ZNF664: variants seen among roughly 807,000 people sequenced by gnomAD.
ZNF664 encodes the protein zinc finger protein 664.
In ZNF664, 10 loss-of-function variants were observed where a neutral mutation model predicts 18.2. The observed-to-expected ratio is 0.55, with a 90% CI of 0.34 to 0.93. The LOEUF (loss-of-function observed/expected upper bound fraction) is 0.93. Among genes scored for constraint, ZNF664 ranks in the 40% least tolerant of loss-of-function variants. ZNF664 has a pLI of 0.02. For missense variants in ZNF664, 193 were observed against 319.0 expected, an observed-to-expected ratio of 0.61 and a Z score of 3.01; for synonymous variants, 119 against 104.2, an observed-to-expected ratio of 1.14 and a Z score of -0.86.
chr12:123,992,306 G>A (rs965461608), intron 3 of ZNF664, among the ~76,000 whole-genome samples: 1 of 152,202 alleles, frequency 6.6e-6, no homozygotes, highest in East Asian at 1.9e-4. Flanking sequence ...GAGTCAAGCT[G>A]AGTCACAGGC....
chr12:124,006,419 T>C (rs1183395464), intron 3 of ZNF664, among the ~76,000 whole-genome samples: 2 of 152,228 alleles, frequency 1.3e-5, no homozygotes, highest in East Asian at 3.9e-4. Context: ...CTGTTAGTCC[T>C]GTACCCCCGT....
Position 124,013,630 on chromosome 12 carries a change from T to A in ZNF664, c.*700T>A, listed in dbSNP as rs1957158810. Reference sequence around the variant, plus strand: ...GGATTCTGCTCATCACTGTCTCTGTTAGACTTATTTTGTAGTGGCTGCATC... The same window carrying A: ...GGATTCTGCTCATCACTGTCTCTGTAAGACTTATTTTGTAGTGGCTGCATC... On this transcript the variant is annotated 3_prime_UTR_variant, in exon 5 of 5. Coordinates refer to ENST00000337815, the MANE Select transcript of ZNF664 (RefSeq NM_152437.3). 1 of 167,198 alleles carries A rather than the reference T, an allele frequency of 6.0e-6. No individual in the cohort carries two copies. Among genetic ancestry groups the A allele is most frequent in the Admixed American group, 6.5e-5 (1 of 15,298 alleles). 10.4% of individuals were successfully genotyped at this position (167,198 alleles called of 1,614,324 possible).
chr12:123,993,923 A>G (rs1216985712), intron 3 of ZNF664, among the ~76,000 whole-genome samples: 2 of 152,226 alleles, frequency 1.3e-5, no homozygotes, highest in African/African-American at 4.8e-5. Flanking sequence ...CAGCGAGGAC[A>G]GTGTCAGATA....
chr12:123,990,156 A>G (rs958837816), intron 3 of ZNF664, among the ~76,000 whole-genome samples: 1 of 152,174 alleles, frequency 6.6e-6, no homozygotes, highest in African/African-American at 2.4e-5. Context: ...TTGTTATTGA[A>G]TGGGGACAGA....
At chr12:124,000,339 C>T (rs753353167) in intron 3 of ZNF664, among the ~76,000 whole-genome samples, 1 of 152,208 alleles carries the variant, frequency 6.6e-6, no homozygotes, top group Non-Finnish European at 1.5e-5. Flanking sequence ...TCAGTTTCTA[C>T]TTAAACACAC....
At chr12:124,005,068 T>G (rs1957055699) in intron 3 of ZNF664, 1 of 153,430 alleles carries the variant, frequency 6.5e-6, no homozygotes, top group Admixed American at 6.5e-5. Flanking sequence ...AAAAATTGTC[T>G]TCCACAAAAC....
rs1458295171 is a variant in ZNF664 at position 124,014,729 on chromosome 12, T to G, written c.*1799T>G. 2.4e-5 allele frequency: 4 copies of G among 167,034 alleles called. No individual in the cohort carries two copies. The highest frequency in any genetic ancestry group is 3.8e-4 in the East Asian group (2 of 5,198). The allele number at this position is 167,034 out of a possible 1,614,324, so 10.3% of individuals were successfully genotyped here. A position where few individuals can be genotyped will look rare whatever the true frequency, so the allele number is the denominator to read the frequency against. On this transcript the variant is annotated 3_prime_UTR_variant, in exon 5 of 5. Transcript: ENST00000337815. ...TTTTCTTTCCATATTTGAATTAATT[T>G]TTTCTGTTTGACTGGAAGGGGTTTT...
intron 2 of ZNF664, among the ~76,000 whole-genome samples, chr12:123,987,727 C>A (rs537518165): frequency 6.6e-6 from 1 of 152,148 alleles, no homozygotes. Context: ...TATCTTATAC[C>A]TATGAACCTT....
In ZNF664 at chr12:124,012,186, G is replaced by C. The variant is rs757117597; in HGVS notation, c.42G>C (p.Glu14Asp). 4.3e-6 allele frequency: 7 copies of C among 1,612,930 alleles called. No individual in the cohort carries two copies. The highest frequency in any genetic ancestry group is 5.1e-6 in the Non-Finnish European group (6 of 1,179,814). Reference protein sequence around the residue: ...KCPMCREFFSERADLFMHQKI... With the variant: ...KCPMCREFFSDRADLFMHQKI... ...CCATGTGTAGGGAATTTTTCTCTGAGAGAGCAGATCTTTTTATGCATCAGA... is the reference window on the plus strand; with the variant it reads ...CCATGTGTAGGGAATTTTTCTCTGACAGAGCAGATCTTTTTATGCATCAGA... Residue 14 changes from glutamate (E) to aspartate (D), a missense_variant, in exon 5 of 5, where the codon GAG becomes GAC. Around this residue, in one of 3 missense-constraint regions of ZNF664, gnomAD observed 90 missense variants for 118.9 expected, o/e 0.76. Transcript: ENST00000337815.
chr12:124,005,426 A>G (rs761476558), intron 3 of ZNF664, among the ~76,000 whole-genome samples: 3 of 151,268 alleles, frequency 2.0e-5, no homozygotes, highest in Admixed American at 1.3e-4. Flanking sequence ...ACAGTTGTCT[A>G]TCTTTTAGTT....
At chr12:123,996,320 T>C (rs1480188846) in intron 3 of ZNF664, among the ~76,000 whole-genome samples, 1 of 152,162 alleles carries the variant, frequency 6.6e-6, no homozygotes, top group East Asian at 1.9e-4. Context: ...TCTGCTGCAG[T>C]ATCATTTGTT....
At chr12:123,975,855 T>G (rs569315979) in intron 2 of ZNF664, among the ~76,000 whole-genome samples, 2 of 152,348 alleles carry the variant, frequency 1.3e-5, no homozygotes, top group South Asian at 4.1e-4. Flanking sequence ...GTTGTACATG[T>G]ATTTTTCTGT....
rs1420913189 is a variant in ZNF664 at position 124,014,154 on chromosome 12, T to A, written c.*1224T>A. The A allele has an allele frequency of 6.8e-6, 1 of 148,130 alleles. No individual in the cohort carries two copies. Among genetic ancestry groups the A allele is most frequent in the African/African-American group, 2.9e-5 (1 of 34,002 alleles). 9.2% of individuals were successfully genotyped at this position (148,130 alleles called of 1,614,324 possible). On this transcript the variant is annotated 3_prime_UTR_variant, in exon 5 of 5. Transcript: ENST00000337815. Reference sequence around the variant, plus strand: ...ATTAAGTGCTATGAAGAAAATAAACTAGGGTGATGATTTTAGTGGTGGGGT... The same window carrying A: ...ATTAAGTGCTATGAAGAAAATAAACAAGGGTGATGATTTTAGTGGTGGGGT...
chr12:124,007,454 T>C (rs1957085948), intron 3 of ZNF664, among the ~76,000 whole-genome samples: 1 of 152,380 alleles, frequency 6.6e-6, no homozygotes, highest in Non-Finnish European at 1.5e-5. Flanking sequence ...GCAGTGCTGC[T>C]GCCTTTGTCT....
intron 3 of ZNF664, among the ~76,000 whole-genome samples, chr12:124,005,465 T>C (rs1476415959): frequency 1.3e-5 from 2 of 150,138 alleles, no homozygotes; most frequent in African/African-American, 2.5e-5. Flanking sequence ...ACATTTTGAC[T>C]GGATGATAAT....
At chr12:123,989,735 T>C (rs1178118411) in intron 3 of ZNF664, among the ~76,000 whole-genome samples, 1 of 152,336 alleles carries the variant, frequency 6.6e-6, no homozygotes, top group East Asian at 1.9e-4. Flanking sequence ...ACATACATTT[T>C]CAGAACAGTA....
chr12:124,002,069 A>G lies in ZNF664; in HGVS notation c.-660-9312A>G, dbSNP rs962892540. On this transcript the variant is annotated intron_variant, in intron 3 of 4. Transcript: ENST00000337815. Reference sequence around the variant, plus strand: ...TTAAATTAAGCAGAAAGAGGTGGTCAGAAAGGTGTGAGGGCAGAGAGGTAA... The same window carrying G: ...TTAAATTAAGCAGAAAGAGGTGGTCGGAAAGGTGTGAGGGCAGAGAGGTAA... Among the ~76,000 whole-genome samples the G allele has an allele frequency of 4.6e-5, 7 of 152,246 alleles. No homozygotes were observed. The South Asian group carries it at 1.2e-3, about 27-fold the overall frequency.
In ZNF664 at chr12:124,013,058, A is replaced by G; in HGVS notation, c.*128A>G. On this transcript the variant is annotated 3_prime_UTR_variant, in exon 5 of 5. Transcript: ENST00000337815. ...AGCAGAACATTGTTTCTGAGGAGGC[A>G]TATGTGAGATTGATTTGTTGGTTCA... 1.6e-6 allele frequency: 2 copies of G among 1,236,948 alleles called. No individual in the cohort carries two copies. The highest frequency in any genetic ancestry group is 1.5e-5 in the African/African-American group (1 of 64,932). 76.6% of individuals were successfully genotyped at this position (1,236,948 alleles called of 1,614,324 possible).
chr12:123,980,189 C>A (rs1437968596), intron 2 of ZNF664, among the ~76,000 whole-genome samples: 1 of 152,104 alleles, frequency 6.6e-6, no homozygotes, highest in East Asian at 1.9e-4. Context: ...ACATTTAATT[C>A]TGATTACTTC....
Sources: allele counts gnomAD v4.1 joint callset (sites outside exome capture counted in the v4.1 genomes callset), GRCh38; gene constraint gnomAD v4.1.1; regional missense constraint gnomAD v4.1.1; transcripts MANE v1.5; gene names NCBI Gene and HGNC (gene_info 2026-07-23, HGNC 2026-07-21).